Variants in PDE1C observed in about 807,000 individuals in gnomAD.
PDE1C encodes dual specificity calcium/calmodulin-dependent 3',5'-cyclic nucleotide phosphodiesterase 1C.
PDE1C carries 62 observed loss-of-function variants against 93.1 expected under a neutral mutation model. The ratio of observed to expected loss-of-function variants is 0.67; its 90% confidence interval spans 0.54 to 0.82. The LOEUF is 0.82. Ranked by LOEUF, PDE1C falls within the 40% of genes least tolerant of loss-of-function variation. PDE1C has a pLI of 0.00. For missense variants in PDE1C, 742 were observed against 884.6 expected (o/e 0.84, Z 2.04); for synonymous variants, 325 against 310.1 (o/e 1.05, Z -0.50).
chr7:32,310,640 T>C (rs1295208572), intron 1 of PDE1C, among the ~76,000 whole-genome samples: 2 of 152,072 alleles, frequency 1.3e-5, no homozygotes, highest in Non-Finnish European at 2.9e-5. Context: ...AACAACCTGC[T>C]CCTGAATGAC....
intron 1 of PDE1C, among the ~76,000 whole-genome samples, chr7:32,419,644 G>A (rs952865355): frequency 3.3e-5 from 5 of 152,136 alleles, no homozygotes; most frequent in Admixed American, 1.3e-4. Flanking sequence ...CCTGGGCTTC[G>A]GCTCCCTCCT....
chr7:32,222,451 G>A (rs1806943552), intron 1 of PDE1C, among the ~76,000 whole-genome samples: 1 of 152,200 alleles, frequency 6.6e-6, no homozygotes, highest in Admixed American at 6.5e-5. Flanking sequence ...TGAAGTCACA[G>A]AGGTCCTGGA....
At chr7:32,376,811 C>T (rs1335437825) in intron 1 of PDE1C, among the ~76,000 whole-genome samples, 1 of 152,138 alleles carries the variant, frequency 6.6e-6, no homozygotes, top group Non-Finnish European at 1.5e-5. Context: ...CCTCAGCCTC[C>T]CGAGTAGCTG....
chr7:32,053,574 A>G (rs1793667967), intron 1 of PDE1C, among the ~76,000 whole-genome samples: 1 of 152,204 alleles, frequency 6.6e-6, no homozygotes, highest in Non-Finnish European at 1.5e-5. Context: ...TTGGAAAAGA[A>G]GAATGCCCCT....
At chr7:31,859,534 TA>T (rs1159224056) in intron 7 of PDE1C, among the ~76,000 whole-genome samples, 16 of 151,748 alleles carry the variant, frequency 1.1e-4, no homozygotes, top group African/African-American at 3.6e-4. Flanking sequence ...TCCAATATCC[TA>T]AAATGTTCAC....
chr7:32,112,609 AC>A (rs1798703794), intron 3 of PDE1C, among the ~76,000 whole-genome samples: 1 of 134,316 alleles, frequency 7.4e-6, no homozygotes, highest in Non-Finnish European at 1.6e-5. Context: ...GACACATGCC[AC>A]CACATCTAGC....
At position 32,261,470 on chromosome 7, in the gene PDE1C, A is replaced by C. The variant is rs114021946; in HGVS notation, c.85+37181T>G. Among the ~76,000 whole-genome samples, 521 of 152,318 alleles carry C rather than the reference A, an allele frequency of 3.4e-3. 3 individuals carry two copies. The highest frequency in any genetic ancestry group is 0.012 in the African/African-American group (488 of 41,570). On this transcript the variant is annotated intron_variant, in intron 1 of 18. Coordinates refer to the PDE1C transcript ENST00000396193. Reference sequence around the variant, plus strand: ...TCAAATGCTCAGGGAGACTGACTTGAGTAATAATAAAACTCCAGTCTCTCG... The same window carrying C: ...TCAAATGCTCAGGGAGACTGACTTGCGTAATAATAAAACTCCAGTCTCTCG...
chr7:32,302,672 T>C (rs566117707), upstream of PDE1C, among the ~76,000 whole-genome samples: 2 of 152,370 alleles, frequency 1.3e-5, no homozygotes, highest in East Asian at 1.9e-4. Context: ...TTGTTGCTCA[T>C]TGGTTTTTCA....
In PDE1C at chr7:31,752,942, G is replaced by A. The variant is rs1204782874; in HGVS notation, c.*442C>T. 4 of 152,128 alleles carry A rather than the reference G, an allele frequency of 2.6e-5. No homozygotes were observed. Among genetic ancestry groups the A allele is most frequent in the Non-Finnish European group, 4.4e-5 (3 of 68,118 alleles). 9.4% of individuals were successfully genotyped at this position (152,128 alleles called of 1,614,324 possible). On this transcript the variant is annotated 3_prime_UTR_variant, in exon 18 of 18. Coordinates refer to ENST00000396191, the MANE Select transcript of PDE1C (RefSeq NM_001191057.4). ...ATAAGTGTATTTACATTTTAAATAGGTGTATTTAAAATTGGAAAATATGTT... is the reference window on the plus strand; with the variant it reads ...ATAAGTGTATTTACATTTTAAATAGATGTATTTAAAATTGGAAAATATGTT...
Position 31,809,253 on chromosome 7 carries a change from T to C in PDE1C, c.1814-145A>G, listed in dbSNP as rs891832073. ...TGTGTCTGAGTGTAAATATCTTTTG[T>C]AATCACGTTAGGTCCTGGAAATTGG... On this transcript the variant is annotated intron_variant, in intron 15 of 17. Transcript: ENST00000396191. 7 of 550,226 alleles carry C rather than the reference T, an allele frequency of 1.3e-5. No homozygotes were observed. In the East Asian group the frequency reaches 1.8e-4, roughly 14 times the overall value. The allele number at this position is 550,226 out of a possible 1,614,324, so 34.1% of individuals were successfully genotyped here.
At chr7:31,653,085 G>T in the PDE1C span, 19 of 825,512 alleles carry the variant, frequency 2.3e-5, no homozygotes, top group South Asian at 4.6e-4. Context: ...TCTCTGCCCT[G>T]CTAGAACTTA....
At chr7:32,169,626 T>G (rs1421007110) in intron 3 of PDE1C, among the ~76,000 whole-genome samples, 1 of 152,192 alleles carries the variant, frequency 6.6e-6, no homozygotes, top group Non-Finnish European at 1.5e-5. Flanking sequence ...CAGCCAGAAG[T>G]CCAGCTAGCA....
chr7:31,914,675 C>A (rs1358682518), intron 2 of PDE1C, among the ~76,000 whole-genome samples: 1 of 152,178 alleles, frequency 6.6e-6, no homozygotes, highest in African/African-American at 2.4e-5. Context: ...TAAGACATTG[C>A]CTCAAGAACA....
chr7:32,267,572 TCA>T (rs1170613406), intron 1 of PDE1C, among the ~76,000 whole-genome samples: 6,051 of 116,892 alleles, frequency 0.052, 280 homozygotes, highest in African/African-American at 0.11. Flanking sequence ...TCTCTCTCTC[TCA>T]CACACACACA....
chr7:32,090,263 T>C (rs1266008656), intron 3 of PDE1C, among the ~76,000 whole-genome samples: 1 of 152,242 alleles, frequency 6.6e-6, no homozygotes. Flanking sequence ...CATAGAATTA[T>C]GCTGAGTGCC....
At chr7:31,908,278 T>C (rs1413619562) in intron 2 of PDE1C, among the ~76,000 whole-genome samples, 2 of 152,240 alleles carry the variant, frequency 1.3e-5, no homozygotes, top group Non-Finnish European at 1.5e-5. Flanking sequence ...TTTTCTTTTT[T>C]AAATTGTTGC....
chr7:31,758,634 G>GT (rs1794627468), intron 17 of PDE1C, among the ~76,000 whole-genome samples: 1 of 152,188 alleles, frequency 6.6e-6, no homozygotes, highest in Non-Finnish European at 1.5e-5. Context: ...GAAGTAAAGA[G>GT]TTGCAGCAAA....
chr7:31,941,870 T>C (rs940225389), intron 2 of PDE1C, among the ~76,000 whole-genome samples: 5 of 152,220 alleles, frequency 3.3e-5, no homozygotes, highest in Admixed American at 1.3e-4. Context: ...AGATAACGTA[T>C]GAAAGTCTTT....
At chr7:31,664,969 C>T in the PDE1C span, among the ~76,000 whole-genome samples, 1 of 152,150 alleles carries the variant, frequency 6.6e-6, no homozygotes, top group South Asian at 2.1e-4. Context: ...TCCAAAGGCT[C>T]TTCAGTACAT....
Sources: gnomAD v4.1 joint callset for allele counts (sites outside exome capture counted in the v4.1 genomes callset) on GRCh38, gnomAD v4.1.1 for gene constraint, MANE v1.5 for transcripts, NCBI Gene and HGNC (gene_info 2026-07-23, HGNC 2026-07-21) for gene names.